The following NEGR1 variants were observed in gnomAD, a reference collection of about 807,000 sequenced individuals.
NEGR1 encodes IgLON family member 4.
NEGR1 carries 10 observed loss-of-function variants against 40.9 expected under a neutral mutation model. That is an observed-to-expected ratio of 0.24 (90% CI 0.15 to 0.42). The LOEUF is 0.42. Among genes scored for constraint, NEGR1 ranks in the 10% least tolerant of loss-of-function variants. The probability of loss-of-function intolerance (pLI) is 1.00; values close to 1 mark genes in which losing one functional copy is unlikely to be tolerated. For missense variants in NEGR1, 352 were observed against 438.9 expected (o/e 0.80, Z 1.77); for synonymous variants, 185 against 166.8 (o/e 1.11, Z -0.84).
intron 2 of NEGR1, among the ~76,000 whole-genome samples, chr1:71,895,358 G>A (rs748740294): frequency 6.6e-6 from 1 of 152,048 alleles, no homozygotes; most frequent in African/African-American, 2.4e-5. Context: ...CATTTTGTGT[G>A]CACAATTCAA....
At chr1:72,036,508 T>G (rs2100448211) in intron 1 of NEGR1, among the ~76,000 whole-genome samples, 1 of 151,786 alleles carries the variant, frequency 6.6e-6, no homozygotes, top group African/African-American at 2.4e-5. Flanking sequence ...ATACAAAAAT[T>G]AGCTGGGCAT....
intron 1 of NEGR1, among the ~76,000 whole-genome samples, chr1:72,221,183 T>G (rs753931508): frequency 1.1e-4 from 16 of 152,144 alleles, no homozygotes; most frequent in Admixed American, 2.0e-4. Context: ...CATATGGCCT[T>G]CTTTCCTCTA....
intron 1 of NEGR1, among the ~76,000 whole-genome samples, chr1:71,984,573 G>A (rs958186364): frequency 6.6e-6 from 1 of 152,108 alleles, no homozygotes; most frequent in Admixed American, 6.5e-5. Context: ...TCAAATTTTG[G>A]GGCCTTTGGC....
At chr1:71,462,775 T>C (rs1430643593) in intron 6 of NEGR1, among the ~76,000 whole-genome samples, 1 of 152,188 alleles carries the variant, frequency 6.6e-6, no homozygotes, top group African/African-American at 2.4e-5. Flanking sequence ...CAAATTTCAT[T>C]TATTATTGTG....
intron 6 of NEGR1, among the ~76,000 whole-genome samples, chr1:71,431,173 A>C (rs1276071855): frequency 6.6e-6 from 1 of 151,690 alleles, no homozygotes; most frequent in African/African-American, 2.4e-5. Context: ...GTTTAGATGT[A>C]TTCAAATCCC....
intron 6 of NEGR1, among the ~76,000 whole-genome samples, chr1:71,466,967 G>A (rs1325951115): frequency 6.6e-6 from 1 of 152,026 alleles, no homozygotes; most frequent in Admixed American, 6.6e-5. Flanking sequence ...ACCTTAAGCC[G>A]GTTCTTACAC....
intron 1 of NEGR1, among the ~76,000 whole-genome samples, chr1:71,991,408 A>G (rs1004686095): frequency 6.6e-6 from 1 of 152,064 alleles, no homozygotes; most frequent in African/African-American, 2.4e-5. Flanking sequence ...AAATACATCT[A>G]TTGTTTACGC....
intron 1 of NEGR1, among the ~76,000 whole-genome samples, chr1:72,011,307 A>G (rs1322353215): frequency 6.6e-6 from 1 of 152,074 alleles, no homozygotes; most frequent in Non-Finnish European, 1.5e-5. Flanking sequence ...TGGTATTAGA[A>G]TAATTCAGAA....
chr1:72,189,270 T>C (rs1378699340), intron 1 of NEGR1, among the ~76,000 whole-genome samples: 2 of 151,618 alleles, frequency 1.3e-5, no homozygotes, highest in East Asian at 3.9e-4. Context: ...TTTTCTTACC[T>C]CTCTGTGAAA....
chr1:72,076,670 ATGTG>A lies in NEGR1; in HGVS notation c.177-141363_177-141360del, dbSNP rs1379390287. ...CATATATATGTGTCCGTGTGTGCGT[ATGTG>A]TGTGTATGTATATGTGTGTACATAC... On this transcript the variant is annotated intron_variant, in intron 1 of 6. Coordinates refer to ENST00000357731, the MANE Select transcript of NEGR1 (RefSeq NM_173808.3). Among the ~76,000 whole-genome samples, 10 of 152,160 alleles carry A rather than the reference ATGTG, an allele frequency of 6.6e-5. No homozygotes were observed. In the South Asian group the frequency reaches 1.0e-3, roughly 16 times the overall value.
chr1:71,448,255 A>G (rs1433487452), intron 6 of NEGR1, among the ~76,000 whole-genome samples: 3 of 148,506 alleles, frequency 2.0e-5, no homozygotes. Context: ...AGACACAGAG[A>G]GAGAGAGCAT....
rs189187612 is a variant in NEGR1, at chr1:71,612,424, T to C, written c.668-1278A>G. Among the ~76,000 whole-genome samples the C allele has an allele frequency of 4.6e-4, 70 of 152,230 alleles. 1 individual carries two copies. In the East Asian group the frequency reaches 0.013, roughly 27 times the overall value. ...TGTAGCATAACTTTTTTTTTTATCC[T>C]TCACATAGTTATTCAGCTGTCAACA... On this transcript the variant is annotated intron_variant, in intron 4 of 6. Coordinates refer to ENST00000357731, the MANE Select transcript of NEGR1 (RefSeq NM_173808.3).
At chr1:71,569,582 G>A (rs902484955) in intron 6 of NEGR1, among the ~76,000 whole-genome samples, 3 of 152,100 alleles carry the variant, frequency 2.0e-5, no homozygotes, top group African/African-American at 7.2e-5. Context: ...GGCGTTTAAA[G>A]TTTTAAAGTT....
Position 71,783,765 on chromosome 1 carries a change from T to C in NEGR1, c.410-7468A>G, listed in dbSNP as rs532398871. ...CTATGCACGAGTTTTTCTCAATCTA[T>C]TCTGTCCTTCGTGGGGTCACCTATA... On this transcript the variant is annotated intron_variant, in intron 2 of 6. Coordinates refer to ENST00000357731, the MANE Select transcript of NEGR1 (RefSeq NM_173808.3). Among the ~76,000 whole-genome samples, 4 of 152,250 alleles carry C rather than the reference T, an allele frequency of 2.6e-5. No individual in the cohort carries two copies. In the South Asian group the frequency reaches 8.3e-4, roughly 32 times the overall value.
chr1:71,787,660 A>G (rs1442816297), intron 2 of NEGR1, among the ~76,000 whole-genome samples: 1 of 152,142 alleles, frequency 6.6e-6, no homozygotes, highest in Non-Finnish European at 1.5e-5. Flanking sequence ...ACATGAAGAC[A>G]CTTCATCATT....
intron 1 of NEGR1, among the ~76,000 whole-genome samples, chr1:72,172,637 T>G (rs1217116505): frequency 6.6e-6 from 1 of 152,204 alleles, no homozygotes; most frequent in Non-Finnish European, 1.5e-5. Flanking sequence ...TGTTAACAAT[T>G]TACCACAAAT....
intron 6 of NEGR1, among the ~76,000 whole-genome samples, chr1:71,470,646 G>A (rs780034834): frequency 1.3e-5 from 2 of 152,070 alleles, no homozygotes; most frequent in Non-Finnish European, 2.9e-5. Flanking sequence ...CTGTTGTGTA[G>A]TAGGGCCAGG....
At chr1:72,111,107 CACACGTATATATAT>C (rs1649354119) in intron 1 of NEGR1, among the ~76,000 whole-genome samples, 1 of 150,686 alleles carries the variant, frequency 6.6e-6, no homozygotes, top group African/African-American at 2.4e-5. Context: ...CACACACACA[CACACGTATATATAT>C]ACACACACAC....
At chr1:72,227,408 G>C (rs1432701174) in intron 1 of NEGR1, among the ~76,000 whole-genome samples, 1 of 151,956 alleles carries the variant, frequency 6.6e-6, no homozygotes, top group Non-Finnish European at 1.5e-5. Context: ...TGATCTAAAA[G>C]CAAGAATGAT....
Sources: gnomAD v4.1 joint callset for allele counts (sites outside exome capture counted in the v4.1 genomes callset) on GRCh38, gnomAD v4.1.1 for gene constraint, MANE v1.5 for transcripts, NCBI Gene and HGNC (gene_info 2026-07-23, HGNC 2026-07-21) for gene names.